WDR48: variants seen among roughly 807,000 people sequenced by gnomAD.
The protein encoded by WDR48 is WD repeat-containing protein 48.
Under a neutral mutation model 94.0 loss-of-function variants are expected in WDR48, and 22 were observed. The observed-to-expected ratio is 0.23, with a 90% CI of 0.17 to 0.33. The LOEUF is 0.33. WDR48 is among the 10% of genes least tolerant of loss of function. The pLI, the probability that WDR48 is intolerant of heterozygous loss-of-function variation, is 1.00. For missense variants in WDR48, 541 were observed against 813.8 expected (o/e 0.66, Z 4.08); for synonymous variants, 278 against 280.5 (o/e 0.99, Z 0.09).
In WDR48 at chr3:39,089,256, G is replaced by A; in HGVS notation, c.1606G>A (p.Glu536Lys). 1 of 1,613,526 alleles carries A rather than the reference G, an allele frequency of 6.2e-7. No homozygotes were observed. The highest frequency in any genetic ancestry group is 8.5e-7 in the Non-Finnish European group (1 of 1,179,732). Residue 536 changes from glutamate (E) to lysine (K), a missense_variant, in exon 16 of 19, where the codon GAG becomes AAG. Glu to Lys is a moderately conservative substitution (Grantham distance 56, BLOSUM62 1). This residue lies in a region of WDR48 where 109 missense variants were observed against 195.5 expected (regional missense o/e 0.56). Coordinates refer to ENST00000302313, the MANE Select transcript of WDR48 (RefSeq NM_020839.4). The stretch of plus-strand genomic sequence containing the variant: ...GCTGCTCTGCCGAGATTCCGGGGGT[G>A]AGACTGAGTCTATGCTTCTTAATGA... Reference protein sequence around the residue: ...FRLLCRDSGGETESMLLNETV... With the variant: ...FRLLCRDSGGKTESMLLNETV...
chr3:39,081,398 G>A (rs1309293937), intron 11 of WDR48, among the ~76,000 whole-genome samples: 7 of 152,174 alleles, frequency 4.6e-5, no homozygotes, highest in Admixed American at 4.6e-4. Context: ...CAGTTGTTTG[G>A]TGAGCATTGC....
chr3:39,096,488 A>T lies in WDR48; in HGVS notation c.*1745A>T, dbSNP rs1180243683. The stretch of plus-strand genomic sequence containing the variant: ...GCTGGGTCATTTTGCCCTGTGTGCT[A>T]AGCCTTGGGTGGCTGCATTCCCCTC... On this transcript the variant is annotated 3_prime_UTR_variant, in exon 19 of 19. Coordinates refer to ENST00000302313, the MANE Select transcript of WDR48 (RefSeq NM_020839.4). 6.6e-6 allele frequency: 1 copy of T among 152,068 alleles called. No homozygotes were observed. The highest frequency in any genetic ancestry group is 6.6e-5 in the Admixed American group (1 of 15,266). 9.4% of individuals were successfully genotyped at this position (152,068 alleles called of 1,614,324 possible). A position where few individuals can be genotyped will look rare whatever the true frequency, so the allele number is the denominator to read the frequency against.
At chr3:39,079,654 C>T (rs1479227455) in intron 10 of WDR48, 57 bp from the exon 11 acceptor site, 4 of 1,260,868 alleles carry the variant, frequency 3.2e-6, no homozygotes, top group Non-Finnish European at 4.4e-6. Context: ...TGTTACCACA[C>T]CATGAATTTA....
At chr3:39,052,535 G>C (rs1480562308) in intron 1 of WDR48, 3 of 169,376 alleles carry the variant, frequency 1.8e-5, no homozygotes, top group African/African-American at 7.2e-5. Flanking sequence ...CGGCCCTGCG[G>C]GGTTTCTGCT....
At chr3:39,075,796 C>T (rs2034193310) in intron 8 of WDR48, among the ~76,000 whole-genome samples, 1 of 151,858 alleles carries the variant, frequency 6.6e-6, no homozygotes, top group Non-Finnish European at 1.5e-5. Context: ...CAGGTTAATG[C>T]CATTCTCCTG....
chr3:39,089,452 C>G (rs910117520), intron 16 of WDR48, 134 bp downstream of exon 16: 13 of 674,786 alleles, frequency 1.9e-5, no homozygotes, highest in Non-Finnish European at 2.8e-5. Context: ...TGCTTCCTTG[C>G]AGTTCCAAAG....
chr3:39,080,949 T>A (rs984129430), intron 11 of WDR48, among the ~76,000 whole-genome samples: 10 of 152,352 alleles, frequency 6.6e-5, no homozygotes, highest in African/African-American at 2.4e-4. Flanking sequence ...TTTAGGTCAT[T>A]TCCCAAAGAG....
chr3:39,078,395 TTTTG>T (rs772312039), intron 10 of WDR48, among the ~76,000 whole-genome samples, 156 bp downstream of exon 10: 27 of 152,074 alleles, frequency 1.8e-4, no homozygotes, highest in Admixed American at 2.6e-4. Flanking sequence ...AAAGGTTTTT[TTTTG>T]TTTGTTTGTT....
At chr3:39,094,129 T>C in intron 18 of WDR48, 63 bp downstream of exon 18, 2 of 1,543,410 alleles carry the variant, frequency 1.3e-6, no homozygotes, top group Non-Finnish European at 1.7e-6. Flanking sequence ...AAGAGTTACA[T>C]GCCTTTGGGT....
At chr3:39,091,557 C>A in intron 16 of WDR48, 68 bp from the exon 17 acceptor site, 1 of 1,176,436 alleles carries the variant, frequency 8.5e-7, no homozygotes. Flanking sequence ...TCATGTTTTC[C>A]TATTAACATT....
intron 8 of WDR48, among the ~76,000 whole-genome samples, chr3:39,075,190 CTTTTTTTTTTTT>C (rs11353487): frequency 3.6e-5 from 4 of 110,492 alleles, no homozygotes; most frequent in African/African-American, 6.7e-5. Context: ...TTGTGTTTTG[CTTTTTTTTTTTT>C]TTTTTTTTTT....
At chr3:39,068,348 A>G (rs991075593) in intron 5 of WDR48, among the ~76,000 whole-genome samples, 4 of 152,196 alleles carry the variant, frequency 2.6e-5, no homozygotes, top group African/African-American at 9.7e-5. Context: ...TTATCTTCAC[A>G]TAAGTAATAT....
At chr3:39,061,568 ATG>A in intron 1 of WDR48, among the ~76,000 whole-genome samples, 1 of 152,156 alleles carries the variant, frequency 6.6e-6, no homozygotes, top group South Asian at 2.1e-4. Context: ...ATACGTGGGC[ATG>A]TTTCTTTATA....
chr3:39,086,261 C>G (rs998269186), intron 14 of WDR48: 1 of 152,220 alleles, frequency 6.6e-6, no homozygotes, highest in Non-Finnish European at 1.5e-5. Flanking sequence ...GAAGGGGAAA[C>G]AAGAACTTAG....
chr3:39,068,675 A>T, intron 5 of WDR48, 96 bp from the exon 6 acceptor site: 2 of 777,274 alleles, frequency 2.6e-6, no homozygotes, highest in Non-Finnish European at 4.3e-6. Context: ...TTATAAAGAT[A>T]AGATTTTCTA....
intron 1 of WDR48, among the ~76,000 whole-genome samples, chr3:39,057,026 A>C (rs1040536404): frequency 5.3e-5 from 8 of 152,202 alleles, no homozygotes; most frequent in African/African-American, 1.9e-4. Flanking sequence ...ATTAAAATTG[A>C]AATTAAAGTG....
intron 1 of WDR48, among the ~76,000 whole-genome samples, chr3:39,056,790 T>C (rs1364303285): frequency 6.6e-6 from 1 of 152,236 alleles, no homozygotes; most frequent in Non-Finnish European, 1.5e-5. Context: ...GTATTGGGGA[T>C]GTATTTCAGC....
In WDR48 at chr3:39,085,586, G is replaced by A; in HGVS notation, c.1450G>A (p.Glu484Lys). ...TAGAACACATGTGAATCCAATGGAT[G>A]AAGAGGAAAATGAAGTAAACCATGG... ...WPRTHVNPMDEEENEVNHVNG... is the reference protein window; with the variant it reads ...WPRTHVNPMDKEENEVNHVNG... Residue 484 changes from glutamate (E) to lysine (K), a missense_variant, in exon 14 of 19, where the codon GAA (glutamate) becomes AAA (lysine). Around this residue, in one of 5 missense-constraint regions of WDR48, gnomAD observed 238 missense variants for 285.3 expected, o/e 0.83. Coordinates refer to ENST00000302313, the MANE Select transcript of WDR48 (RefSeq NM_020839.4). The A allele has an allele frequency of 1.9e-6, 3 of 1,611,590 alleles. No homozygotes were observed. Among genetic ancestry groups the A allele is most frequent in the Middle Eastern group, 1.7e-4 (1 of 6,056 alleles).
chr3:39,065,738 T>G lies in WDR48; in HGVS notation c.190-73T>G, dbSNP rs1275572367. 7 of 1,176,266 alleles carry G rather than the reference T, an allele frequency of 6.0e-6. No individual in the cohort carries two copies. In the East Asian group the frequency reaches 1.7e-4, roughly 29 times the overall value. 72.9% of individuals were successfully genotyped at this position (1,176,266 alleles called of 1,614,324 possible). On this transcript the variant is annotated intron_variant, in intron 2 of 18. Coordinates refer to ENST00000302313, the MANE Select transcript of WDR48 (RefSeq NM_020839.4). ...CAGTATGTCACATTAATTGAAGAAT[T>G]TAACCATATCTATCATTTGTAATAT... is the stretch of plus-strand genomic sequence containing the variant.
Sources: gnomAD v4.1 joint callset for allele counts (sites outside exome capture counted in the v4.1 genomes callset) on GRCh38, gnomAD v4.1.1 for gene constraint, gnomAD v4.1.1 regional missense constraint, MANE v1.5 for transcripts, NCBI Gene and HGNC (gene_info 2026-07-23, HGNC 2026-07-21) for gene names.